The following TOPAZ1 variants were observed in gnomAD, a reference collection of about 807,000 sequenced individuals.
TOPAZ1 encodes testis and ovary specific TOPAZ 1.
A neutral mutation model predicts 172.2 loss-of-function variants in TOPAZ1; 66 were observed. The ratio of observed to expected loss-of-function variants is 0.38; its 90% confidence interval spans 0.31 to 0.47. The LOEUF (loss-of-function observed/expected upper bound fraction) is 0.47. Ranked by LOEUF, TOPAZ1 falls within the 20% of genes least tolerant of loss-of-function variation. The pLI, the probability that TOPAZ1 is intolerant of heterozygous loss-of-function variation, is 0.99. For synonymous variants in TOPAZ1, 681 were observed against 683.9 expected, an observed-to-expected ratio of 1.00 and a Z score of 0.07; for missense variants, 1,822 against 1,972.4, an observed-to-expected ratio of 0.92 and a Z score of 1.44.
In TOPAZ1 at chr3:44,290,863, T is replaced by G. The variant is rs767055774; in HGVS notation, c.3774T>G (p.Thr1258=). The G allele has an allele frequency of 6.5e-7, 1 of 1,547,704 alleles. No individual in the cohort carries two copies. The highest frequency in any genetic ancestry group is 8.7e-7 in the Non-Finnish European group (1 of 1,145,376). The change falls in exon 12 of 20, where the codon ACT becomes ACG. Residue 1258 remains threonine (T), a synonymous_variant. Transcript: ENST00000309765. Reference sequence around the variant, plus strand: ...TACAAGCTTCCAAACAAGAAATAACTGCAGTTCTGGAAATGAAATCGAGGT... The same window carrying G: ...TACAAGCTTCCAAACAAGAAATAACGGCAGTTCTGGAAATGAAATCGAGGT... ...YQVQASKQEI[T]AVLEMKSRLQ... is the part of the protein sequence containing the mutation.
At chr3:44,295,086 C>T (rs143976014) in intron 12 of TOPAZ1, among the ~76,000 whole-genome samples, 45 of 152,206 alleles carry the variant, frequency 3.0e-4, no homozygotes, top group Middle Eastern at 3.4e-3. Context: ...ATTACTTGAA[C>T]GTTTTTTAGA....
chr3:44,262,361 C>A, intron 4 of TOPAZ1, 58 bp from the exon 5 acceptor site: 1 of 849,648 alleles, frequency 1.2e-6, no homozygotes. Context: ...AGCCTCATAG[C>A]TTAGTATGTA....
Position 44,244,461 on chromosome 3 carries a change from A to G in TOPAZ1, c.1955A>G (p.Asn652Ser), listed in dbSNP as rs1006846324. 8 of 1,551,628 alleles carry G rather than the reference A, an allele frequency of 5.2e-6. No individual in the cohort carries two copies. The African/African-American group carries it at 8.2e-5, about 16-fold the overall frequency. Residue 652 changes from asparagine to serine, a missense_variant, in exon 2 of 20, where the codon AAT becomes AGT. Physicochemically the swap from Asn to Ser is conservative, Grantham distance 46. This residue lies in a region of TOPAZ1 where 1,489 missense variants were observed against 1,490.8 expected (regional missense o/e 1.00). Coordinates refer to ENST00000309765, the MANE Select transcript of TOPAZ1 (RefSeq NM_001145030.2). ...ACTTCCAAAGATGGTCAGGAAGCAAATAACTCTGCAGGCAAAACTATTCAT... is the reference window on the plus strand; with the variant it reads ...ACTTCCAAAGATGGTCAGGAAGCAAGTAACTCTGCAGGCAAAACTATTCAT... Reference protein sequence around the residue: ...TATSKDGQEANNSAGKTIHRK... With the variant: ...TATSKDGQEASNSAGKTIHRK...
At position 44,244,467 on chromosome 3, in the gene TOPAZ1, C is replaced by A; in HGVS notation, c.1961C>A (p.Ser654Tyr). Reference sequence around the variant, plus strand: ...AAAGATGGTCAGGAAGCAAATAACTCTGCAGGCAAAACTATTCATCGAAAA... The same window carrying A: ...AAAGATGGTCAGGAAGCAAATAACTATGCAGGCAAAACTATTCATCGAAAA... ...TSKDGQEANN[S>Y]AGKTIHRKAC... Residue 654 changes from serine to tyrosine, a missense_variant, in exon 2 of 20, where the codon TCT becomes TAT. Physicochemically the swap from Ser to Tyr is moderately radical, Grantham distance 144. Transcript: ENST00000309765. The A allele has an allele frequency of 1.3e-6, 2 of 1,551,706 alleles. No homozygotes were observed. Among genetic ancestry groups the A allele is most frequent in the Non-Finnish European group, 1.7e-6 (2 of 1,146,970 alleles).
chr3:44,276,029 C>A (rs896456998), intron 8 of TOPAZ1, among the ~76,000 whole-genome samples: 6 of 150,894 alleles, frequency 4.0e-5, no homozygotes, highest in African/African-American at 1.5e-4. Context: ...ATGTCCTTTG[C>A]CCACTTTTTA....
intron 12 of TOPAZ1, among the ~76,000 whole-genome samples, chr3:44,297,545 A>G (rs1330057745): frequency 1.3e-5 from 2 of 152,208 alleles, no homozygotes; most frequent in Admixed American, 1.3e-4. Flanking sequence ...TATTTAGATG[A>G]AAGACTGGAT....
chr3:44,323,442 C>G, intron 18 of TOPAZ1, 147 bp downstream of exon 18: 1 of 467,088 alleles, frequency 2.1e-6, no homozygotes, highest in Non-Finnish European at 3.6e-6. Flanking sequence ...GATCTGTGCT[C>G]TCTTTTGAAA....
chr3:44,323,182 TGGC>T lies in TOPAZ1; in HGVS notation c.4563_4565del (p.Ala1522del). 6.4e-7 allele frequency: 1 copy of T among 1,550,504 alleles called. No homozygotes were observed. ...AGTAGTCTTGGTATGTCATCCTCTG[TGGC>T]AGAATTCATGATTTCAAAGAGCATC... On this transcript the variant is annotated inframe_deletion, in exon 18 of 20. Transcript: ENST00000309765.
chr3:44,332,996 T>G (rs1700687770), downstream of TOPAZ1, among the ~76,000 whole-genome samples: 1 of 150,850 alleles, frequency 6.6e-6, no homozygotes, highest in Non-Finnish European at 1.5e-5. Context: ...TTTTGTGGTT[T>G]TTTTTTTTTT....
At chr3:44,284,841 T>C (rs542888205) in intron 9 of TOPAZ1, among the ~76,000 whole-genome samples, 1 of 152,312 alleles carries the variant, frequency 6.6e-6, no homozygotes, top group African/African-American at 2.4e-5. Context: ...GATGACAATT[T>C]CTGTGGTTTA....
Position 44,244,947 on chromosome 3 carries a change from A to G in TOPAZ1, c.2441A>G (p.Tyr814Cys). ...ENNAFSCDPG[Y>C]VEKSPSFCCN... ...AATGCTTTTTCTTGTGATCCTGGGT[A>G]TGTAGAGAAAAGTCCTTCCTTCTGC... The change falls in exon 2 of 20, where the codon TAT (tyrosine) becomes TGT (cysteine). Residue 814 changes from tyrosine to cysteine, a missense_variant. Coordinates refer to ENST00000309765, the MANE Select transcript of TOPAZ1 (RefSeq NM_001145030.2). The G allele has an allele frequency of 6.4e-7, 1 of 1,551,746 alleles. No homozygotes were observed. The highest frequency in any genetic ancestry group is 8.7e-7 in the Non-Finnish European group (1 of 1,146,992).
chr3:44,253,220 C>A (rs926818392), intron 2 of TOPAZ1, among the ~76,000 whole-genome samples: 9 of 152,160 alleles, frequency 5.9e-5, no homozygotes, highest in African/African-American at 1.2e-4. Context: ...CGTAAGCAGA[C>A]CTTCCTAGGC....
At chr3:44,313,908 T>C (rs1364493368) in intron 16 of TOPAZ1, among the ~76,000 whole-genome samples, 1 of 152,190 alleles carries the variant, frequency 6.6e-6, no homozygotes, top group Non-Finnish European at 1.5e-5. Flanking sequence ...TTGTAGTAAT[T>C]ACAGTCTACT....
chr3:44,306,203 A>C lies in TOPAZ1; in HGVS notation c.4040-123A>C. Reference sequence around the variant, plus strand: ...ATTGTTGGCTCCTAGGCTATACAAAAACGGGGCACAGTTTGCCAACACCTG... The same window carrying C: ...ATTGTTGGCTCCTAGGCTATACAAACACGGGGCACAGTTTGCCAACACCTG... On this transcript the variant is annotated intron_variant, in intron 14 of 19. Coordinates refer to ENST00000309765, the MANE Select transcript of TOPAZ1 (RefSeq NM_001145030.2). 4 of 579,766 alleles carry C rather than the reference A, an allele frequency of 6.9e-6. No individual in the cohort carries two copies. The South Asian group carries it at 1.0e-4, about 15-fold the overall frequency. The allele number at this position is 579,766 out of a possible 1,614,324, so 35.9% of individuals were successfully genotyped here.
At chr3:44,306,205 C>T (rs137930335) in intron 14 of TOPAZ1, 121 bp from the exon 15 acceptor site, 5 of 579,978 alleles carry the variant, frequency 8.6e-6, no homozygotes, top group East Asian at 2.8e-5. Context: ...TATACAAAAA[C>T]GGGGCACAGT....
chr3:44,312,716 A>G (rs1004805868), intron 16 of TOPAZ1, among the ~76,000 whole-genome samples: 1 of 152,232 alleles, frequency 6.6e-6, no homozygotes, highest in Non-Finnish European at 1.5e-5. Flanking sequence ...TTGAAATATA[A>G]AATGGTTTTA....
At chr3:44,245,647 C>G (rs563539589) in intron 2 of TOPAZ1, among the ~76,000 whole-genome samples, 44 of 151,048 alleles carry the variant, frequency 2.9e-4, no homozygotes, top group Middle Eastern at 3.4e-3. Context: ...CCCCATTCTC[C>G]TGCCTCAGCC....
intron 4 of TOPAZ1, among the ~76,000 whole-genome samples, chr3:44,258,835 C>T (rs1312538548): frequency 6.6e-6 from 1 of 152,110 alleles, no homozygotes; most frequent in African/African-American, 2.4e-5. Context: ...GATAAATGGG[C>T]TGTTAACTGC....
chr3:44,286,482 T>C (rs1700080183), intron 9 of TOPAZ1, among the ~76,000 whole-genome samples: 1 of 152,198 alleles, frequency 6.6e-6, no homozygotes, highest in Non-Finnish European at 1.5e-5. Flanking sequence ...AAAAAAGCTT[T>C]ACAAGAAATT....
Sources: allele counts gnomAD v4.1 joint callset (sites outside exome capture counted in the v4.1 genomes callset), GRCh38; gene constraint gnomAD v4.1.1; regional missense constraint gnomAD v4.1.1; transcripts MANE v1.5; gene names NCBI Gene and HGNC (gene_info 2026-07-23, HGNC 2026-07-21).